CDH13: variants seen among roughly 807,000 people sequenced by gnomAD.
CDH13 encodes cadherin 13.
In CDH13, 24 loss-of-function variants were observed where a neutral mutation model predicts 63.8. The ratio of observed to expected loss-of-function variants is 0.38; its 90% CI spans 0.27 to 0.53. The LOEUF is 0.53. Ranked by LOEUF, CDH13 falls within the 20% of genes least tolerant of loss-of-function variation. CDH13 has a pLI of 0.85. For missense variants in CDH13, 1,049 were observed against 903.1 expected (o/e 1.16, Z -2.07); for synonymous variants, 503 against 355.3 (o/e 1.42, Z -4.67).
At chr16:83,792,574 A>G (rs924681698) in intron 13 of CDH13, among the ~76,000 whole-genome samples, 19 of 152,226 alleles carry the variant, frequency 1.2e-4, no homozygotes, top group African/African-American at 3.9e-4. Context: ...AGTGGCATCT[A>G]GTGGATGGAG....
In CDH13 at chr16:82,964,708, T is replaced by TGTGCA. The variant is rs551848075; in HGVS notation, c.158-67302_158-67301insGTGCA. Among the ~76,000 whole-genome samples, 187 of 152,334 alleles carry TGTGCA rather than the reference T, an allele frequency of 1.2e-3. 1 individual carries two copies. Among genetic ancestry groups the TGTGCA allele is most frequent in the African/African-American group, 4.4e-3 (184 of 41,572 alleles). The stretch of plus-strand genomic sequence containing the variant: ...TAGAGGTCAGGTGTAGCCAGTGTAA[T>TGTGCA]TTAGAAGCTGTGCATTTTAAAAAGT... On this transcript the variant is annotated intron_variant, in intron 2 of 13. Coordinates refer to ENST00000567109, the MANE Select transcript of CDH13 (RefSeq NM_001257.5).
intron 4 of CDH13, among the ~76,000 whole-genome samples, chr16:83,131,679 G>C (rs559903448): frequency 6.6e-6 from 1 of 152,280 alleles, no homozygotes; most frequent in East Asian, 1.9e-4. Flanking sequence ...AAGTTTGAAA[G>C]ACAAGTCATT....
At chr16:82,763,514 G>C (rs533401372) in intron 1 of CDH13, among the ~76,000 whole-genome samples, 1 of 152,148 alleles carries the variant, frequency 6.6e-6, no homozygotes, top group Non-Finnish European at 1.5e-5. Flanking sequence ...ATGGAGATGA[G>C]AGCCACTGGC....
intron 1 of CDH13, among the ~76,000 whole-genome samples, chr16:82,645,490 A>G (rs758554893): frequency 1.3e-5 from 2 of 151,618 alleles, no homozygotes; most frequent in African/African-American, 4.9e-5. Context: ...CAACCTGGGG[A>G]GGGGAGTGGG....
intron 6 of CDH13, among the ~76,000 whole-genome samples, chr16:83,461,493 A>T (rs2073180923): frequency 1.3e-5 from 2 of 152,132 alleles, no homozygotes; most frequent in Non-Finnish European, 1.5e-5. Context: ...ATTCTTAAAA[A>T]CCAGTTCACT....
At chr16:83,317,249 T>A (rs1367164922) in intron 5 of CDH13, among the ~76,000 whole-genome samples, 2 of 152,208 alleles carry the variant, frequency 1.3e-5, no homozygotes. Context: ...AACTCGAGTC[T>A]GGAAGCCCAC....
At chr16:82,647,891 C>T (rs1184015858) in intron 1 of CDH13, among the ~76,000 whole-genome samples, 1 of 152,160 alleles carries the variant, frequency 6.6e-6, no homozygotes, top group African/African-American at 2.4e-5. Context: ...CCATAGTCCC[C>T]ATGTGTCATG....
intron 6 of CDH13, among the ~76,000 whole-genome samples, chr16:83,348,615 C>T (rs1242166305): frequency 6.6e-6 from 1 of 152,220 alleles, no homozygotes; most frequent in East Asian, 1.9e-4. Flanking sequence ...TCATTTTACA[C>T]TGAGCGTCAC....
intron 4 of CDH13, among the ~76,000 whole-genome samples, chr16:83,189,853 A>G (rs937901554): frequency 1.3e-5 from 2 of 152,196 alleles, no homozygotes; most frequent in Non-Finnish European, 2.9e-5. Flanking sequence ...AGGTAATTGA[A>G]TCATGGGGGC....
At chr16:83,098,132 C>G (rs1170141987) in intron 3 of CDH13, among the ~76,000 whole-genome samples, 1 of 152,286 alleles carries the variant, frequency 6.6e-6, no homozygotes, top group African/African-American at 2.4e-5. Flanking sequence ...TGAGACCAAA[C>G]AGAAAAGTGT....
intron 1 of CDH13, among the ~76,000 whole-genome samples, chr16:82,673,836 A>G (rs1293731600): frequency 6.6e-6 from 1 of 152,230 alleles, no homozygotes; most frequent in Non-Finnish European, 1.5e-5. Flanking sequence ...TGTTAGCAAC[A>G]GAGGCAACTG....
intron 7 of CDH13, among the ~76,000 whole-genome samples, chr16:83,589,028 G>T (rs1308186212): frequency 6.6e-6 from 1 of 152,196 alleles, no homozygotes; most frequent in Non-Finnish European, 1.5e-5. Context: ...ATCCTACAGA[G>T]CTAGAAGTCA....
chr16:83,411,715 T>G (rs187150448), intron 6 of CDH13, among the ~76,000 whole-genome samples: 2 of 152,318 alleles, frequency 1.3e-5, no homozygotes, highest in African/African-American at 4.8e-5. Context: ...CACATTACAG[T>G]GTTTCACACA....
intron 1 of CDH13, among the ~76,000 whole-genome samples, chr16:82,744,474 C>T (rs184810480): frequency 6.2e-4 from 95 of 152,084 alleles, no homozygotes; most frequent in African/African-American, 2.1e-3. Flanking sequence ...TTTTCTGAAC[C>T]CAATTGGTCC....
At chr16:82,707,705 C>A (rs1288477461) in intron 1 of CDH13, among the ~76,000 whole-genome samples, 1 of 152,176 alleles carries the variant, frequency 6.6e-6, no homozygotes, top group Non-Finnish European at 1.5e-5. Flanking sequence ...CTTGATGTCT[C>A]TGTTTTCATG....
At chr16:83,521,897 A>G (rs556918671) in intron 7 of CDH13, among the ~76,000 whole-genome samples, 3 of 152,208 alleles carry the variant, frequency 2.0e-5, no homozygotes, top group Non-Finnish European at 4.4e-5. Context: ...ATCCTACTAT[A>G]TGAGGTCGTT....
chr16:83,039,691 C>G (rs1204609143), intron 3 of CDH13, among the ~76,000 whole-genome samples: 1 of 152,116 alleles, frequency 6.6e-6, no homozygotes, highest in Non-Finnish European at 1.5e-5. Flanking sequence ...TCAGTGGATG[C>G]CTTTTGAATA....
chr16:83,161,170 A>G (rs1422083210), intron 4 of CDH13, among the ~76,000 whole-genome samples: 4 of 152,206 alleles, frequency 2.6e-5, no homozygotes, highest in African/African-American at 9.6e-5. Context: ...TTGGACCACT[A>G]TACATTCTAG....
chr16:83,255,525 A>G (rs1239855239), intron 5 of CDH13, among the ~76,000 whole-genome samples: 1 of 152,210 alleles, frequency 6.6e-6, no homozygotes, highest in East Asian at 1.9e-4. Context: ...AGAATGGGCT[A>G]CGTGTCCCGC....
Sources: gnomAD v4.1 joint callset for allele counts (sites outside exome capture counted in the v4.1 genomes callset) on GRCh38, gnomAD v4.1.1 for gene constraint, MANE v1.5 for transcripts, NCBI Gene and HGNC (gene_info 2026-07-23, HGNC 2026-07-21) for gene names.